ARMC9: variants seen among roughly 807,000 people sequenced by gnomAD.
ARMC9 encodes the protein armadillo repeat containing 9.
In ARMC9, 94 loss-of-function variants were observed where a neutral mutation model predicts 107.0. The observed-to-expected ratio is 0.88, with a 90% CI of 0.74 to 1.04. The LOEUF (loss-of-function observed/expected upper bound fraction) is 1.04, where lower values mean the gene tolerates loss of function less well. Ranked by LOEUF, ARMC9 falls within the 50% of genes least tolerant of loss-of-function variation. The probability of loss-of-function intolerance (pLI) is 0.00; values close to 1 mark genes in which losing one functional copy is unlikely to be tolerated. For synonymous variants in ARMC9, 380 were observed against 396.9 expected, an observed-to-expected ratio of 0.96 and a Z score of 0.51; for missense variants, 942 against 1,030.1, an observed-to-expected ratio of 0.91 and a Z score of 1.17.
At chr2:231,352,326 TC>T (rs2045120477) in intron 21 of ARMC9, among the ~76,000 whole-genome samples, 1 of 151,204 alleles carries the variant, frequency 6.6e-6, no homozygotes, top group Admixed American at 6.6e-5. Flanking sequence ...ACAGTCTTGC[TC>T]TGTCGCCCAG....
intron 15 of ARMC9, among the ~76,000 whole-genome samples, 153 bp from the exon 16 acceptor site, chr2:231,278,229 T>A (rs983079565): frequency 6.6e-6 from 1 of 152,136 alleles, no homozygotes; most frequent in Non-Finnish European, 1.5e-5. Flanking sequence ...GAGGCCCAGA[T>A]TGGTTACATG....
chr2:231,275,970 A>G (rs924164940), intron 14 of ARMC9, among the ~76,000 whole-genome samples: 1 of 152,176 alleles, frequency 6.6e-6, no homozygotes, highest in Non-Finnish European at 1.5e-5. Flanking sequence ...AAAAAACAAA[A>G]AACCTATTTG....
chr2:231,219,786 TC>T (rs1318379604), intron 5 of ARMC9, among the ~76,000 whole-genome samples: 4 of 151,288 alleles, frequency 2.6e-5, no homozygotes, highest in African/African-American at 9.9e-5. Flanking sequence ...TCTTTTTTTT[TC>T]ATTAAAAAAA....
rs539065720 is a variant in ARMC9 at position 231,206,179 on chromosome 2, T to C, written c.-41-19T>C. ...GGTGGTTGAAATGAAAGCTGTTGTC[T>C]TGTATTTTTGCCTTCTAGAGATTTT... On this transcript the variant is annotated intron_variant, in intron 1 of 24. Transcript: ENST00000611582. The C allele has an allele frequency of 2.3e-4, 332 of 1,444,352 alleles. No homozygotes were observed. In the South Asian group the frequency reaches 3.0e-3, roughly 13 times the overall value. 89.5% of individuals were successfully genotyped at this position (1,444,352 alleles called of 1,614,324 possible).
intron 17 of ARMC9, among the ~76,000 whole-genome samples, chr2:231,286,426 T>G (rs1330435640): frequency 6.6e-6 from 1 of 152,232 alleles, no homozygotes; most frequent in African/African-American, 2.4e-5. Context: ...CTGCTGGTAT[T>G]TGTATGTGTG....
chr2:231,215,568 G>A (rs374306206), intron 4 of ARMC9, among the ~76,000 whole-genome samples: 66 of 152,354 alleles, frequency 4.3e-4, no homozygotes, highest in African/African-American at 1.4e-3. Flanking sequence ...GTTGAATTTA[G>A]CATCTGTAGT....
At chr2:231,361,720 C>T (rs2045593889) in intron 23 of ARMC9, among the ~76,000 whole-genome samples, 1 of 152,166 alleles carries the variant, frequency 6.6e-6, no homozygotes, top group African/African-American at 2.4e-5. Context: ...CCCCTCACCA[C>T]TTCCTCCTGG....
intron 20 of ARMC9, 59 bp downstream of exon 20, chr2:231,331,956 G>T: frequency 7.1e-7 from 1 of 1,407,678 alleles, no homozygotes; most frequent in Non-Finnish European, 1.0e-6. Context: ...GACATTGATG[G>T]ATTTCGTGTT....
chr2:231,278,585 T>C, intron 16 of ARMC9, 127 bp downstream of exon 16: 1 of 759,026 alleles, frequency 1.3e-6, no homozygotes, highest in Non-Finnish European at 2.2e-6. Flanking sequence ...ATGTTCTCTG[T>C]CCTTCTGGGA....
chr2:231,296,402 G>A lies in ARMC9; in HGVS notation c.1773+149G>A, dbSNP rs144444799. ...TGAGGGTTGGCTAAAGCTCAGCTGG[G>A]TGGTGGTTCGGGTCTCACTTGGGGT... is the stretch of plus-strand genomic sequence containing the variant. On this transcript the variant is annotated intron_variant, in intron 19 of 24. Transcript: ENST00000611582. 3,494 of 743,466 alleles carry A rather than the reference G, an allele frequency of 4.7e-3. 7 individuals are homozygous for A. The highest frequency in any genetic ancestry group is 8.2e-3 in the Middle Eastern group (34 of 4,126). 46.1% of individuals were successfully genotyped at this position (743,466 alleles called of 1,614,324 possible).
Position 231,331,845 on chromosome 2 carries a change from C to A in ARMC9, c.1826C>A (p.Pro609His). 6.2e-7 allele frequency: 1 copy of A among 1,614,034 alleles called. No individual in the cohort carries two copies. Among genetic ancestry groups the A allele is most frequent in the South Asian group, 1.1e-5 (1 of 91,070 alleles). ...CTGGACAAAGACGAACTGATCCAGC[C>A]CCAGCTCGGAGAACTCTCAGGAGAG... Reference protein sequence around the residue: ...ADLDKDELIQPQLGELSGEKL... With the variant: ...ADLDKDELIQHQLGELSGEKL... Residue 609 changes from proline (P) to histidine (H), a missense_variant, in exon 20 of 25, where the codon CCC (proline) becomes CAC (histidine). Transcript: ENST00000611582.
At chr2:231,238,546 T>G (rs2035986558) in intron 8 of ARMC9, among the ~76,000 whole-genome samples, 1 of 152,194 alleles carries the variant, frequency 6.6e-6, no homozygotes, top group Non-Finnish European at 1.5e-5. Flanking sequence ...AGAGATGGTA[T>G]TTCACTATGT....
chr2:231,299,652 G>A (rs2041602661), intron 19 of ARMC9, among the ~76,000 whole-genome samples: 1 of 152,192 alleles, frequency 6.6e-6, no homozygotes, highest in Non-Finnish European at 1.5e-5. Flanking sequence ...GCTGAAGGGG[G>A]CATTTTTGTT....
intron 22 of ARMC9, among the ~76,000 whole-genome samples, chr2:231,356,827 T>A (rs2045362318): frequency 2.6e-5 from 4 of 152,348 alleles, no homozygotes; most frequent in South Asian, 4.1e-4. Context: ...TCCAGAGATT[T>A]CTGCTGCCAG....
chr2:231,270,923 G>A (rs2125431805), intron 12 of ARMC9, 59 bp from the exon 13 acceptor site: 1 of 1,430,876 alleles, frequency 7.0e-7, no homozygotes, highest in Non-Finnish European at 9.8e-7. Context: ...CGAAGAGGAG[G>A]CGTGTGTTTA....
In ARMC9 at chr2:231,235,355, C is replaced by G. The variant is rs776311683; in HGVS notation, c.754C>G (p.Leu252Val). The part of the protein sequence containing the change: ...IGVTAELVDS[L>V]EATVSGKMIT... ...AGTCACAGCAGAGCTGGTGGATTCT[C>G]TAGAGGCCACAGTCAGCGGCAAGAT... The change falls in exon 8 of 25, where the codon CTA (leucine) becomes GTA (valine). Residue 252 changes from leucine to valine, a missense_variant. Leu to Val is a conservative substitution (Grantham distance 32, BLOSUM62 1). Transcript: ENST00000611582. 6.2e-7 allele frequency: 1 copy of G among 1,614,164 alleles called. No individual in the cohort carries two copies. Among genetic ancestry groups the G allele is most frequent in the Non-Finnish European group, 8.5e-7 (1 of 1,180,024 alleles).
At chr2:231,217,594 G>A (rs908354702) in intron 5 of ARMC9, among the ~76,000 whole-genome samples, 4 of 151,504 alleles carry the variant, frequency 2.6e-5, no homozygotes, top group Admixed American at 2.0e-4. Context: ...ATTACAGAAA[G>A]CAAGGATTCT....
chr2:231,298,101 G>A (rs1200699405), intron 19 of ARMC9, among the ~76,000 whole-genome samples: 1 of 152,158 alleles, frequency 6.6e-6, no homozygotes, highest in Non-Finnish European at 1.5e-5. Context: ...CTGGACTTTT[G>A]CTACTCTTTT....
chr2:231,273,961 C>T (rs956971047), intron 14 of ARMC9, among the ~76,000 whole-genome samples: 1 of 152,166 alleles, frequency 6.6e-6, no homozygotes, highest in Non-Finnish European at 1.5e-5. Context: ...TTGACTTGTA[C>T]TGGACGTTTC....
Sources: allele counts gnomAD v4.1 joint callset (sites outside exome capture counted in the v4.1 genomes callset), GRCh38; gene constraint gnomAD v4.1.1; transcripts MANE v1.5; gene names NCBI Gene and HGNC (gene_info 2026-07-23, HGNC 2026-07-21).